LHX3: variants seen among roughly 807,000 people sequenced by gnomAD.
The protein encoded by LHX3 is LIM homeobox 3, also known as LIM/homeobox protein Lhx3.
LHX3 carries 21 observed loss-of-function variants against 32.4 expected under a neutral mutation model. The ratio of observed to expected loss-of-function variants is 0.65; its 90% confidence interval spans 0.46 to 0.93. LHX3 has a LOEUF of 0.93. Among genes scored for constraint, LHX3 ranks in the 40% least tolerant of loss-of-function variants. The probability of loss-of-function intolerance (pLI) is 0.00; values close to 1 mark genes in which losing one functional copy is unlikely to be tolerated. For synonymous variants in LHX3, 258 were observed against 246.8 expected, an observed-to-expected ratio of 1.05 and a Z score of -0.43; for missense variants, 626 against 560.0, an observed-to-expected ratio of 1.12 and a Z score of -1.19.
intron 3 of LHX3, 102 bp from the exon 4 acceptor site, chr9:136,199,161 G>A: frequency 1.7e-6 from 1 of 574,360 alleles, no homozygotes; most frequent in Middle Eastern, 5.6e-4. Context: ...GGCCTCAGGT[G>A]CCCACCCCCA....
At chr9:136,202,307 C>T (rs1231337999) in intron 1 of LHX3, among the ~76,000 whole-genome samples, 5 of 152,096 alleles carry the variant, frequency 3.3e-5, no homozygotes, top group Non-Finnish European at 7.4e-5. Context: ...GGGCCTCCTT[C>T]CCCATCCTGC....
chr9:136,202,596 C>T (rs1048721935), intron 1 of LHX3, among the ~76,000 whole-genome samples: 3 of 152,154 alleles, frequency 2.0e-5, no homozygotes, highest in African/African-American at 2.4e-5. Context: ...CTGGGGCGGC[C>T]TTCTTGGGGA....
intron 1 of LHX3, chr9:136,201,301 C>T (rs921689761): frequency 2.4e-6 from 3 of 1,257,774 alleles, no homozygotes; most frequent in Non-Finnish European, 3.0e-6. Context: ...AATGCCTTCC[C>T]CATCATTGGG....
intron 3 of LHX3, among the ~76,000 whole-genome samples, chr9:136,199,287 C>CG (rs1048760636): frequency 2.5e-4 from 38 of 152,066 alleles, no homozygotes; most frequent in African/African-American, 8.9e-4. Context: ...GCCGCGGGGG[C>CG]GGGGGCGGCG....
intron 1 of LHX3, chr9:136,202,833 C>A: frequency 1.6e-6 from 2 of 1,271,606 alleles, no homozygotes; most frequent in Non-Finnish European, 1.1e-6. Context: ...CCGGGGTCCT[C>A]GCGCCCACTC....
chr9:136,197,923 C>G (rs1831537995), intron 5 of LHX3, among the ~76,000 whole-genome samples, 180 bp from the exon 6 acceptor site: 1 of 152,160 alleles, frequency 6.6e-6, no homozygotes, highest in African/African-American at 2.4e-5. Flanking sequence ...CTCCACTGCC[C>G]TCACCCCTGA....
At chr9:136,200,445 T>C (rs1588626551) in intron 2 of LHX3, 137 bp downstream of exon 2, 1 of 1,033,284 alleles carries the variant, frequency 9.7e-7, no homozygotes, top group East Asian at 2.6e-5. Context: ...CAGGGTGCCC[T>C]GCCTGGGTGA....
rs1831555846 is a variant in LHX3, at chr9:136,198,717, C to A, written c.710G>T (p.Gly237Val). The change falls in exon 5 of 6, where the codon GGC becomes GTC. Residue 237 changes from glycine to valine, a missense_variant. Coordinates refer to ENST00000371748, the MANE Select transcript of LHX3 (RefSeq NM_178138.6). ...AACGCTGTCCTTGTCCGACTTGGAGCCGCCGCGGGAGCGCTTCATGTTGCG... is the reference window on the plus strand; with the variant it reads ...AACGCTGTCCTTGTCCGACTTGGAGACGCCGCGGGAGCGCTTCATGTTGCG... ...YFRNMKRSRG[G>V]SKSDKDSVQE... 2.5e-6 allele frequency: 4 copies of A among 1,611,346 alleles called. No homozygotes were observed. Among genetic ancestry groups the A allele is most frequent in the Non-Finnish European group, 3.4e-6 (4 of 1,179,774 alleles).
intron 1 of LHX3, among the ~76,000 whole-genome samples, chr9:136,201,847 G>T (rs1831646264): frequency 1.3e-5 from 2 of 152,326 alleles, no homozygotes; most frequent in Admixed American, 6.5e-5. Flanking sequence ...CCCATCGTGG[G>T]CAGCGATCGC....
At chr9:136,202,188 C>T (rs1001890396) in intron 1 of LHX3, among the ~76,000 whole-genome samples, 1 of 152,042 alleles carries the variant, frequency 6.6e-6, no homozygotes, top group Admixed American at 6.5e-5. Context: ...GCCAACCCCT[C>T]CCAGGAACCG....
intron 1 of LHX3, chr9:136,202,885 C>A (rs970745324): frequency 5.7e-4 from 867 of 1,511,000 alleles, no homozygotes; most frequent in Middle Eastern, 1.1e-3. Flanking sequence ...CGCGGCCAGG[C>A]CCGGAAAGGC....
rs972009923 is a variant in LHX3 at position 136,199,727 on chromosome 9, C to T, written c.405G>A (p.Glu135=). 9.3e-6 allele frequency: 15 copies of T among 1,612,992 alleles called. No homozygotes were observed. Among genetic ancestry groups the T allele is most frequent in the Non-Finnish European group, 1.3e-5 (15 of 1,179,926 alleles). ...CCGCCTTGCACACGAGCCGGCTGTC[C>T]TCCATGAGGTAGAACTCGTCGCCCG... The part of the protein sequence containing the change: ...LATGDEFYLM[E]DSRLVCKADY... The change falls in exon 3 of 6, where the codon GAG becomes GAA. Residue 135 remains glutamate (E), a synonymous_variant. Transcript: ENST00000371748.
At position 136,200,220 on chromosome 9, in the gene LHX3, G is replaced by C. The variant is rs536536940; in HGVS notation, c.252-340C>G. ...TGAAGGCCACTGGGCCAGAGCCGCT[G>C]GGTGCCAGCATTAGGAACTAAAACA... On this transcript the variant is annotated intron_variant, in intron 2 of 5. Coordinates refer to ENST00000371748, the MANE Select transcript of LHX3 (RefSeq NM_178138.6). 10 of 556,630 alleles carry C rather than the reference G, an allele frequency of 1.8e-5. No individual in the cohort carries two copies. In the South Asian group the frequency reaches 1.8e-4, roughly 10 times the overall value. The allele number at this position is 556,630 out of a possible 1,614,324, so 34.5% of individuals were successfully genotyped here. A position where few individuals can be genotyped will look rare whatever the true frequency, so the allele number is the denominator to read the frequency against.
At chr9:136,200,950 C>T (rs1831627221) in intron 1 of LHX3, among the ~76,000 whole-genome samples, 197 bp from the exon 2 acceptor site, 1 of 152,226 alleles carries the variant, frequency 6.6e-6, no homozygotes, top group African/African-American at 2.4e-5. Flanking sequence ...GGCACCGCAT[C>T]CTATGTCAGG....
In LHX3 at chr9:136,200,634, C is replaced by G; in HGVS notation, c.199G>C (p.Glu67Gln). The change falls in exon 2 of 6, where the codon GAG becomes CAG. Residue 67 changes from glutamate (E) to glutamine (Q), a missense_variant. By Grantham distance (29) the Glu-to-Gln change is conservative. Transcript: ENST00000371748. ...CTCTCCCCTCGGCTGAAGCAGCGCTCGGCCAGTGGCGTGTGGCAGTCGCTG... is the reference window on the plus strand; with the variant it reads ...CTCTCCCCTCGGCTGAAGCAGCGCTGGGCCAGTGGCGTGTGGCAGTCGCTG... ...KCSDCHTPLA[E>Q]RCFSRGESVY... The G allele has an allele frequency of 2.5e-6, 4 of 1,613,642 alleles. No homozygotes were observed. The highest frequency in any genetic ancestry group is 1.1e-5 in the South Asian group (1 of 91,088).
At chr9:136,202,835 C>T (rs1831677059) in intron 1 of LHX3, 2 of 1,280,156 alleles carry the variant, frequency 1.6e-6, no homozygotes, top group Non-Finnish European at 2.2e-6. Context: ...GGGGTCCTCG[C>T]GCCCACTCCC....
Position 136,198,897 on chromosome 9 carries a change from C to T in LHX3, c.606+11G>A. 2 of 1,587,832 alleles carry T rather than the reference C, an allele frequency of 1.3e-6. No homozygotes were observed. The highest frequency in any genetic ancestry group is 1.3e-5 in the African/African-American group (1 of 74,454). On this transcript the variant is annotated intron_variant, in intron 4 of 5. Coordinates refer to ENST00000371748, the MANE Select transcript of LHX3 (RefSeq NM_178138.6). ...GCCGCGGGCGGGAGGGAAGCAGGGG[C>T]GAGCGCTGACCTGCACCACGCGCAT...
Position 136,199,689 on chromosome 9 carries a change from G to A in LHX3, c.443C>T (p.Ala148Val), listed in dbSNP as rs1473005321. 1.2e-6 allele frequency: 2 copies of A among 1,612,874 alleles called. No homozygotes were observed. Among genetic ancestry groups the A allele is most frequent in the Middle Eastern group, 1.7e-4 (1 of 6,054 alleles). Reference protein sequence around the residue: ...RLVCKADYETAKQREAEATAK... With the variant: ...RLVCKADYETVKQREAEATAK... ...TCCCCTCGGCTGACCTCGCTGCTTG[G>A]CGGTTTCGTAGTCCGCCTTGCACAC... Residue 148 changes from alanine (A) to valine (V), a missense_variant, in exon 3 of 6, where the codon GCC becomes GTC. By Grantham distance (64) the Ala-to-Val change is moderately conservative (BLOSUM62 0). Transcript: ENST00000371748.
chr9:136,198,670 C>A lies in LHX3; in HGVS notation c.757G>T (p.Ala253Ser). 2 of 1,604,538 alleles carry A rather than the reference C, an allele frequency of 1.2e-6. No individual in the cohort carries two copies. The highest frequency in any genetic ancestry group is 2.2e-5 in the East Asian group (1 of 44,578). Residue 253 changes from alanine to serine, a missense_variant, in exon 5 of 6, where the codon GCT (alanine) becomes TCT (serine). Physicochemically the swap from Ala to Ser is moderately conservative, Grantham distance 99. Coordinates refer to ENST00000371748, the MANE Select transcript of LHX3 (RefSeq NM_178138.6). ...CGCCTACCGGGGAAGGAGACCTCAG[C>A]GTCGCTGTCCTGCCCCTCCTGAACG... ...DSVQEGQDSD[A>S]EVSFPDEPSL...
Sources: allele counts gnomAD v4.1 joint callset (sites outside exome capture counted in the v4.1 genomes callset), GRCh38; gene constraint gnomAD v4.1.1; transcripts MANE v1.5; gene names NCBI Gene and HGNC (gene_info 2026-07-23, HGNC 2026-07-21).